The following RSU1 variants were observed in gnomAD, a reference collection of about 807,000 sequenced individuals.
RSU1 encodes rsu-1.
In RSU1, 26 loss-of-function variants were observed where a neutral mutation model predicts 31.1. The ratio of observed to expected loss-of-function variants is 0.84; its 90% confidence interval spans 0.61 to 1.16. The LOEUF (loss-of-function observed/expected upper bound fraction) is 1.16, where lower values mean the gene tolerates loss of function less well. Among genes scored for constraint, RSU1 ranks in the 50% most tolerant of loss-of-function variants. RSU1 has a pLI of 0.00. For missense variants in RSU1, 320 were observed against 339.1 expected (o/e 0.94, Z 0.44); for synonymous variants, 164 against 136.3 (o/e 1.20, Z -1.41).
chr10:16,796,839 G>C (rs1453582862), intron 2 of RSU1, among the ~76,000 whole-genome samples: 1 of 152,038 alleles, frequency 6.6e-6, no homozygotes. Flanking sequence ...ACAAAACTAG[G>C]TTATAAAGTG....
At chr10:16,655,561 A>C (rs1009631642) in intron 8 of RSU1, among the ~76,000 whole-genome samples, 2 of 152,226 alleles carry the variant, frequency 1.3e-5, no homozygotes, top group African/African-American at 2.4e-5. Flanking sequence ...ATATGTATGC[A>C]GTAATATAAT....
At chr10:16,650,034 G>A (rs555586094) in intron 8 of RSU1, among the ~76,000 whole-genome samples, 9 of 152,040 alleles carry the variant, frequency 5.9e-5, no homozygotes, top group Non-Finnish European at 8.8e-5. Flanking sequence ...GTTGTAGAGC[G>A]CTTTGTAAAA....
At chr10:16,660,319 A>G (rs1172656176) in intron 8 of RSU1, among the ~76,000 whole-genome samples, 1 of 152,162 alleles carries the variant, frequency 6.6e-6, no homozygotes, top group African/African-American at 2.4e-5. Context: ...ATTGGCTTGA[A>G]CATAAAGTTC....
At chr10:16,737,552 C>A (rs1289725889) in intron 7 of RSU1, among the ~76,000 whole-genome samples, 1 of 151,556 alleles carries the variant, frequency 6.6e-6, no homozygotes, top group Non-Finnish European at 1.5e-5. Context: ...TTCAGATAAA[C>A]AAAAGCTAAT....
In RSU1 at chr10:16,817,386, A is replaced by C; in HGVS notation, c.-75T>G. The stretch of plus-strand genomic sequence containing the variant: ...GGCAGAACGCACTCCAGCTGCCCTC[A>C]CTCCCTGCAACACCGGCACTGAACA... On this transcript the variant is annotated 5_prime_UTR_variant, in exon 1 of 9. Coordinates refer to ENST00000345264, the MANE Select transcript of RSU1 (RefSeq NM_012425.4). 3 of 346,040 alleles carry C rather than the reference A, an allele frequency of 8.7e-6. No individual in the cohort carries two copies. The highest frequency in any genetic ancestry group is 3.3e-5 in the South Asian group (1 of 30,338). The allele number at this position is 346,040 out of a possible 1,614,324, so 21.4% of individuals were successfully genotyped here. A position where few individuals can be genotyped will look rare whatever the true frequency, so the allele number is the denominator to read the frequency against.
At chr10:16,733,860 G>C (rs1009449279) in intron 7 of RSU1, among the ~76,000 whole-genome samples, 3 of 152,272 alleles carry the variant, frequency 2.0e-5, no homozygotes, top group African/African-American at 4.8e-5. Context: ...TTATAAAGTT[G>C]GGCAACTAAC....
At chr10:16,656,634 C>T (rs1314779495) in intron 8 of RSU1, among the ~76,000 whole-genome samples, 2 of 152,166 alleles carry the variant, frequency 1.3e-5, no homozygotes, top group Non-Finnish European at 2.9e-5. Context: ...CCTTGACCAA[C>T]CAAGTATGCA....
intron 8 of RSU1, among the ~76,000 whole-genome samples, chr10:16,606,986 CTA>C (rs1326096501): frequency 6.6e-6 from 1 of 152,082 alleles, no homozygotes; most frequent in Non-Finnish European, 1.5e-5. Context: ...TGGCCGTGTG[CTA>C]TAGTTTGGAT....
chr10:16,666,638 T>C (rs1240310500), intron 8 of RSU1, among the ~76,000 whole-genome samples: 1 of 152,090 alleles, frequency 6.6e-6, no homozygotes, highest in Non-Finnish European at 1.5e-5. Flanking sequence ...TAGACCTAAC[T>C]GCCCCTGGGA....
chr10:16,679,685 C>A (rs541749666), intron 8 of RSU1, among the ~76,000 whole-genome samples: 1 of 152,148 alleles, frequency 6.6e-6, no homozygotes, highest in African/African-American at 2.4e-5. Flanking sequence ...GGGATGTAAC[C>A]CGGCCTTGTC....
intron 8 of RSU1, among the ~76,000 whole-genome samples, chr10:16,671,599 C>T (rs1835105888): frequency 6.6e-6 from 1 of 151,968 alleles, no homozygotes; most frequent in Non-Finnish European, 1.5e-5. Context: ...CATGCGCATA[C>T]CACCACACCT....
chr10:16,814,486 A>G (rs571931960), intron 2 of RSU1, among the ~76,000 whole-genome samples: 1 of 151,006 alleles, frequency 6.6e-6, no homozygotes, highest in Admixed American at 6.6e-5. Flanking sequence ...AAATTCTTAC[A>G]CTTATAATTA....
intron 7 of RSU1, among the ~76,000 whole-genome samples, chr10:16,698,667 G>T (rs1387866041): frequency 6.6e-6 from 1 of 152,166 alleles, no homozygotes; most frequent in East Asian, 1.9e-4. Flanking sequence ...GACGGCAGAG[G>T]CATCACAGAT....
chr10:16,650,638 G>T (rs1834666748), intron 8 of RSU1, among the ~76,000 whole-genome samples: 3 of 144,840 alleles, frequency 2.1e-5, no homozygotes, highest in Non-Finnish European at 1.5e-5. Context: ...GGAATACAGT[G>T]GCACAATCTC....
chr10:16,661,444 C>G (rs1349003783), intron 8 of RSU1, among the ~76,000 whole-genome samples: 2 of 152,046 alleles, frequency 1.3e-5, no homozygotes, highest in Admixed American at 6.6e-5. Flanking sequence ...CAGAGTTCCA[C>G]CAATTTGGAA....
rs536440802 is a variant in RSU1 at position 16,747,816 on chromosome 10, C to G, written c.598+4723G>C. 1.6e-4 allele frequency among the ~76,000 whole-genome samples: 25 copies of G among 152,184 alleles called. No individual in the cohort carries two copies. In the South Asian group the frequency reaches 3.1e-3, roughly 19 times the overall value. On this transcript the variant is annotated intron_variant, in intron 7 of 8. Transcript: ENST00000345264. ...AGGAGGCTGAGGCAGGAGGATCACT[C>G]AAGCACAGGAGTTTGAGACTAGCCT...
At chr10:16,752,694 A>G (rs1263963952) in intron 6 of RSU1, 41 bp from the exon 7 acceptor site, 2 of 1,441,940 alleles carry the variant, frequency 1.4e-6, no homozygotes, top group South Asian at 2.3e-5. Context: ...TTTACACATT[A>G]AAAGGTGCTC....
chr10:16,701,023 T>G (rs1206543003), intron 7 of RSU1, among the ~76,000 whole-genome samples: 1 of 152,218 alleles, frequency 6.6e-6, no homozygotes, highest in Non-Finnish European at 1.5e-5. Flanking sequence ...GTTTTTAAGG[T>G]TGATTTTCTC....
chr10:16,627,298 T>C (rs1229965314), intron 8 of RSU1, among the ~76,000 whole-genome samples: 1 of 152,246 alleles, frequency 6.6e-6, no homozygotes, highest in South Asian at 2.1e-4. Context: ...TTCTTCATTA[T>C]GTTATAGTTG....
Sources: allele counts gnomAD v4.1 joint callset (sites outside exome capture counted in the v4.1 genomes callset), GRCh38; gene constraint gnomAD v4.1.1; transcripts MANE v1.5; gene names NCBI Gene and HGNC (gene_info 2026-07-23, HGNC 2026-07-21).